Variants in STK3 observed in about 807,000 individuals in gnomAD.
STK3 encodes the protein serine/threonine kinase 3, also known as serine/threonine-protein kinase 3.
Under a neutral mutation model 58.0 loss-of-function variants are expected in STK3, and 41 were observed. The observed-to-expected ratio is 0.71, with a 90% CI of 0.55 to 0.92. The LOEUF (loss-of-function observed/expected upper bound fraction) is 0.92, where lower values mean the gene tolerates loss of function less well. STK3 is among the 40% of genes least tolerant of loss of function. The pLI is 0.00. For missense variants in STK3, 479 were observed against 602.7 expected (o/e 0.79, Z 2.15); for synonymous variants, 170 against 191.0 (o/e 0.89, Z 0.91).
At chr8:98,550,920 A>C (rs1247038286) in intron 8 of STK3, among the ~76,000 whole-genome samples, 1 of 152,204 alleles carries the variant, frequency 6.6e-6, no homozygotes, top group Non-Finnish European at 1.5e-5. Context: ...CTAATGAAGA[A>C]TCTACAATGG....
intron 8 of STK3, among the ~76,000 whole-genome samples, chr8:98,579,389 C>T (rs1388883200): frequency 6.6e-6 from 1 of 151,912 alleles, no homozygotes; most frequent in African/African-American, 2.4e-5. Flanking sequence ...AAATTCAAGA[C>T]AATATTTATT....
At position 98,795,649 on chromosome 8, in the gene STK3, G is replaced by C. The variant is rs143775183; in HGVS notation, c.27-20830C>G. Among the ~76,000 whole-genome samples, 59 of 152,184 alleles carry C rather than the reference G, an allele frequency of 3.9e-4. No homozygotes were observed. In the East Asian group the frequency reaches 9.9e-3, roughly 25 times the overall value. On this transcript the variant is annotated intron_variant, in intron 1 of 10. Transcript: ENST00000419617. Reference sequence around the variant, plus strand: ...GTTCTATACCTAGAAAACCTGAAAGGCTCCACCAAAGGCTCCTGGAACTGA... The same window carrying C: ...GTTCTATACCTAGAAAACCTGAAAGCCTCCACCAAAGGCTCCTGGAACTGA...
chr8:98,394,064 G>A (rs753321804), intron 3 of STK3, among the ~76,000 whole-genome samples: 8 of 152,290 alleles, frequency 5.3e-5, no homozygotes, highest in Non-Finnish European at 1.0e-4. Flanking sequence ...AGGGATGGGG[G>A]TGGAGTGAGC....
chr8:98,556,601 T>C (rs1811606731), intron 8 of STK3, among the ~76,000 whole-genome samples: 1 of 152,024 alleles, frequency 6.6e-6, no homozygotes, highest in South Asian at 2.1e-4. Context: ...TTGATTGAAT[T>C]AGGGAATGTC....
intron 7 of STK3, among the ~76,000 whole-genome samples, chr8:98,585,837 T>C (rs1467497431): frequency 6.6e-6 from 1 of 151,848 alleles, no homozygotes; most frequent in Non-Finnish European, 1.5e-5. Context: ...GATTCCTAGG[T>C]ATTTTATTCT....
rs570277403 is a variant in STK3 at position 98,893,486 on chromosome 8, GAGAAAGAAAGAAAGAA to G, written c.-78-9668_-78-9653del. Among the ~76,000 whole-genome samples the G allele has an allele frequency of 2.8e-3, 119 of 43,036 alleles. 1 individual carries two copies. The highest frequency in any genetic ancestry group is 4.3e-3 in the East Asian group (7 of 1,618). The allele number at this position is 43,036 out of a possible 152,430, so 28.2% of individuals were successfully genotyped here. The stretch of plus-strand genomic sequence containing the variant: ...AGAAAGAAAGAAAGAAAGAAAGAAA[GAGAAAGAAAGAAAGAA>G]AGAAAGAAAGAAAGAAAGAAAGAAA... On this transcript the variant is annotated intron_variant, in intron 1 of 1. Coordinates refer to the STK3 transcript ENST00000519420.
intron 3 of STK3, among the ~76,000 whole-genome samples, chr8:98,849,143 G>A (rs561906013): frequency 4.6e-5 from 7 of 150,716 alleles, no homozygotes; most frequent in South Asian, 4.2e-4. Flanking sequence ...GGAGAATGGC[G>A]TGAACCCAAG....
At chr8:98,425,258 AGACCCT>A (rs1156920061) in intron 3 of STK3, among the ~76,000 whole-genome samples, 1 of 152,184 alleles carries the variant, frequency 6.6e-6, no homozygotes. Flanking sequence ...GTCCACACAC[AGACCCT>A]GAAAGAAAGG....
intron 10 of STK3, among the ~76,000 whole-genome samples, chr8:98,515,476 C>A (rs1824858706): frequency 6.6e-6 from 1 of 152,094 alleles, no homozygotes; most frequent in African/African-American, 2.4e-5. Context: ...TGTCTGTATT[C>A]CTACTTTATT....
At chr8:98,730,836 A>T (rs996327619) in intron 4 of STK3, among the ~76,000 whole-genome samples, 1 of 152,080 alleles carries the variant, frequency 6.6e-6, no homozygotes, top group African/African-American at 2.4e-5. Context: ...TTCACGAAAG[A>T]GCTACAAAGT....
At chr8:98,514,479 T>G (rs1824770026) in intron 10 of STK3, among the ~76,000 whole-genome samples, 1 of 151,790 alleles carries the variant, frequency 6.6e-6, no homozygotes. Context: ...ACTTGATAGC[T>G]AAAACTATTC....
At chr8:98,630,207 A>G (rs1819076089) in intron 6 of STK3, among the ~76,000 whole-genome samples, 1 of 152,166 alleles carries the variant, frequency 6.6e-6, no homozygotes, top group Non-Finnish European at 1.5e-5. Flanking sequence ...AAACTGTATC[A>G]ATCTTTTCAA....
chr8:98,460,540 G>T (rs1347245707), intron 10 of STK3, among the ~76,000 whole-genome samples: 1 of 152,136 alleles, frequency 6.6e-6, no homozygotes, highest in African/African-American at 2.4e-5. Context: ...TTTGGGAGGA[G>T]CCAGGGGCAG....
At chr8:98,667,000 A>G (rs1587231381) in intron 6 of STK3, among the ~76,000 whole-genome samples, 1 of 152,142 alleles carries the variant, frequency 6.6e-6, no homozygotes, top group African/African-American at 2.4e-5. Context: ...AAAAATCTCA[A>G]TTGTCAATAA....
In STK3 at chr8:98,800,729, C is replaced by T. The variant is rs369843774; in HGVS notation, c.26+24786G>A. 2.8e-3 allele frequency among the ~76,000 whole-genome samples: 434 copies of T among 152,314 alleles called. No individual in the cohort carries two copies. The highest frequency in any genetic ancestry group is 4.9e-3 in the Non-Finnish European group (333 of 68,014). On this transcript the variant is annotated intron_variant, in intron 1 of 10. Transcript: ENST00000419617. The surrounding 1 kb of genome is among the most constrained non-coding windows in gnomAD (Gnocchi z 4.8). ...CCTGGGCAGTGAAGGGCTTAGCACC[C>T]GGGCCAGCAGCTGCGGAAGGGGCAC...
chr8:98,798,806 T>TA (rs1022172566), intron 1 of STK3, among the ~76,000 whole-genome samples: 5 of 151,950 alleles, frequency 3.3e-5, no homozygotes, highest in African/African-American at 9.7e-5. Context: ...CAAGACCCTT[T>TA]AAAAAAAATC....
intron 3 of STK3, among the ~76,000 whole-genome samples, chr8:98,410,243 T>C (rs1188568601): frequency 2.0e-5 from 3 of 152,090 alleles, no homozygotes; most frequent in African/African-American, 4.8e-5. Context: ...AAACACTAAA[T>C]GCACTCCCTC....
chr8:98,785,346 C>A (rs570155453), intron 1 of STK3, among the ~76,000 whole-genome samples: 14 of 152,320 alleles, frequency 9.2e-5, no homozygotes, highest in African/African-American at 3.1e-4. Flanking sequence ...ATCTGGAGCA[C>A]CTACTCTTCA....
intron 8 of STK3, among the ~76,000 whole-genome samples, chr8:98,569,227 C>T (rs557292278): frequency 3.9e-5 from 6 of 151,930 alleles, no homozygotes; most frequent in East Asian, 1.9e-4. Flanking sequence ...AATAAAGACA[C>T]GGTCAGATAT....
Sources: gnomAD v4.1 joint callset for allele counts (sites outside exome capture counted in the v4.1 genomes callset) on GRCh38, gnomAD v4.1.1 for gene constraint, Gnocchi (gnomAD v3.1) non-coding constraint, MANE v1.5 for transcripts, NCBI Gene and HGNC (gene_info 2026-07-23, HGNC 2026-07-21) for gene names.